The following PXDNL variants were observed in gnomAD, a reference collection of about 807,000 sequenced individuals.
The protein encoded by PXDNL is probable oxidoreductase PXDNL.
Under a neutral mutation model 150.8 loss-of-function variants are expected in PXDNL, and 145 were observed. That is an observed-to-expected ratio of 0.96 (90% CI 0.84 to 1.10). The LOEUF (loss-of-function observed/expected upper bound fraction) is 1.10, where lower values mean the gene tolerates loss of function less well. Among genes scored for constraint, PXDNL ranks in the 50% least tolerant of loss-of-function variants. The pLI is 0.00. For missense variants in PXDNL, 2,087 were observed against 1,873.9 expected (o/e 1.11, Z -2.10); for synonymous variants, 757 against 725.7 (o/e 1.04, Z -0.69).
At chr8:51,580,074 TTA>T (rs1386664661) in intron 3 of PXDNL, among the ~76,000 whole-genome samples, 39 of 151,912 alleles carry the variant, frequency 2.6e-4, no homozygotes, top group Non-Finnish European at 4.3e-4. Flanking sequence ...GTTATATATT[TTA>T]TGTTTCCATT....
chr8:51,771,225 C>A (rs1377167222), intron 1 of PXDNL, among the ~76,000 whole-genome samples: 1 of 152,092 alleles, frequency 6.6e-6, no homozygotes, highest in Non-Finnish European at 1.5e-5. Flanking sequence ...CCACAGAGAA[C>A]GTTAAGGGAA....
intron 1 of PXDNL, among the ~76,000 whole-genome samples, chr8:51,770,030 T>A (rs1037945884): frequency 1.3e-5 from 2 of 152,212 alleles, no homozygotes; most frequent in African/African-American, 4.8e-5. Flanking sequence ...TGAAGAGCTA[T>A]GACGCTTGAC....
chr8:51,326,864 T>C (rs1403274312), intron 21 of PXDNL, among the ~76,000 whole-genome samples: 7 of 152,086 alleles, frequency 4.6e-5, no homozygotes, highest in East Asian at 1.9e-4. Context: ...TTTTTGGAAA[T>C]AGGAGTATTG....
At chr8:51,474,896 T>C in intron 7 of PXDNL, 76 bp downstream of exon 7, 1 of 1,236,228 alleles carries the variant, frequency 8.1e-7, no homozygotes, top group Non-Finnish European at 1.1e-6. Context: ...AAATGCAATA[T>C]TATATAATAA....
intron 4 of PXDNL, among the ~76,000 whole-genome samples, chr8:51,539,664 C>A (rs73584816): frequency 6.6e-6 from 1 of 151,896 alleles, no homozygotes; most frequent in Non-Finnish European, 1.5e-5. Flanking sequence ...TGCAGTTTAT[C>A]CTCTCTTCTT....
In PXDNL at chr8:51,606,611, GCCA is replaced by G. The variant is rs200840215; in HGVS notation, c.237-13916_237-13914del. On this transcript the variant is annotated intron_variant, in intron 2 of 22. Coordinates refer to ENST00000356297, the MANE Select transcript of PXDNL (RefSeq NM_144651.5). ...GCTGCCCAACTGAAATATAATCTGA[GCCA>G]CAAATGCAAGTCACATATGTGATTT... 4.2e-4 allele frequency among the ~76,000 whole-genome samples: 64 copies of G among 152,020 alleles called. No homozygotes were observed. In the East Asian group the frequency reaches 8.3e-3, roughly 20 times the overall value.
At chr8:51,719,055 G>C (rs1224668349) in intron 1 of PXDNL, among the ~76,000 whole-genome samples, 1 of 151,852 alleles carries the variant, frequency 6.6e-6, no homozygotes, top group East Asian at 2.0e-4. Context: ...CCTCCGCCCG[G>C]CCGCCACCCC....
chr8:51,709,308 G>A (rs1816447190), intron 1 of PXDNL, among the ~76,000 whole-genome samples: 2 of 151,506 alleles, frequency 1.3e-5, no homozygotes, highest in South Asian at 4.2e-4. Flanking sequence ...AGGCTGGAGT[G>A]CAATGGTGCA....
chr8:51,593,977 T>G (rs1335591587), intron 2 of PXDNL, among the ~76,000 whole-genome samples: 59 of 152,242 alleles, frequency 3.9e-4, no homozygotes, highest in Admixed American at 3.8e-3. Flanking sequence ...TAATGTGTAA[T>G]TAATACCAGA....
At chr8:51,404,339 G>C (rs542520881) in intron 17 of PXDNL, among the ~76,000 whole-genome samples, 1 of 152,284 alleles carries the variant, frequency 6.6e-6, no homozygotes, top group Admixed American at 6.5e-5. Flanking sequence ...AGAGCTGATT[G>C]GTCTGGTTTG....
At chr8:51,494,701 G>A (rs1231271982) in intron 5 of PXDNL, among the ~76,000 whole-genome samples, 56 of 152,158 alleles carry the variant, frequency 3.7e-4, no homozygotes, top group African/African-American at 1.2e-3. Flanking sequence ...ACATAATGGT[G>A]AAGGGATCAA....
intron 5 of PXDNL, among the ~76,000 whole-genome samples, chr8:51,486,770 A>G: frequency 2.7e-4 from 2 of 7,278 alleles, no homozygotes; most frequent in African/African-American, 5.7e-4. Context: ...ATATATATAT[A>G]TATATATATA....
rs1214587556 is a variant in PXDNL, at chr8:51,535,065, T to G, written c.380+21775A>C. Among the ~76,000 whole-genome samples, 6 of 59,390 alleles carry G rather than the reference T, an allele frequency of 1.0e-4. 1 individual carries two copies. The highest frequency in any genetic ancestry group is 1.2e-4 in the Non-Finnish European group (4 of 32,448). The allele number at this position is 59,390 out of a possible 152,430, so 39.0% of individuals were successfully genotyped here. ...CTGGGAAGTGAGGAGCCCCTCTGCCTGGCCAGCCGCCCCGTCCGGGAGGGT... is the reference window on the plus strand; with the variant it reads ...CTGGGAAGTGAGGAGCCCCTCTGCCGGGCCAGCCGCCCCGTCCGGGAGGGT... On this transcript the variant is annotated intron_variant, in intron 4 of 22. Coordinates refer to ENST00000356297, the MANE Select transcript of PXDNL (RefSeq NM_144651.5).
At chr8:51,509,374 C>T (rs1260813729) in intron 4 of PXDNL, among the ~76,000 whole-genome samples, 4 of 152,060 alleles carry the variant, frequency 2.6e-5, no homozygotes, top group East Asian at 1.9e-4. Context: ...CTCCAGTGCT[C>T]ACTCAGAATA....
intron 12 of PXDNL, among the ~76,000 whole-genome samples, chr8:51,433,509 T>C (rs1809312989): frequency 6.6e-6 from 1 of 152,088 alleles, no homozygotes; most frequent in Non-Finnish European, 1.5e-5. Flanking sequence ...CCTTTATTAG[T>C]TAATTTGTAA....
chr8:51,433,150 G>A (rs192715785), intron 12 of PXDNL, among the ~76,000 whole-genome samples: 38 of 151,546 alleles, frequency 2.5e-4, no homozygotes, highest in African/African-American at 8.5e-4. Flanking sequence ...CAGAGATTGC[G>A]GTGAGCGGAG....
At chr8:51,436,165 A>T in intron 12 of PXDNL, 3 of 517,438 alleles carry the variant, frequency 5.8e-6, no homozygotes, top group Non-Finnish European at 1.2e-5. Flanking sequence ...CTTAATTCAG[A>T]TCTTTAGTAC....
intron 4 of PXDNL, among the ~76,000 whole-genome samples, chr8:51,525,031 GAACT>G (rs1414239223): frequency 1.3e-5 from 2 of 152,096 alleles, no homozygotes; most frequent in East Asian, 1.9e-4. Flanking sequence ...AGAAGACTGA[GAACT>G]AACAGGAAGG....
intron 5 of PXDNL, among the ~76,000 whole-genome samples, chr8:51,489,071 G>C (rs567313891): frequency 6.6e-6 from 1 of 152,074 alleles, no homozygotes; most frequent in Non-Finnish European, 1.5e-5. Context: ...ACCAGGTTAG[G>C]AATCAAAATG....
Sources: allele counts gnomAD v4.1 joint callset (sites outside exome capture counted in the v4.1 genomes callset), GRCh38; gene constraint gnomAD v4.1.1; transcripts MANE v1.5; gene names NCBI Gene and HGNC (gene_info 2026-07-23, HGNC 2026-07-21).